The following ANK2 variants were observed in gnomAD, a reference collection of about 807,000 sequenced individuals.
ANK2 encodes ankyrin 2, also known as ankyrin-2.
ANK2 carries 83 observed loss-of-function variants against 360.5 expected under a neutral mutation model. That is an observed-to-expected ratio of 0.23 (90% CI 0.19 to 0.28). The LOEUF (loss-of-function observed/expected upper bound fraction) is 0.28. Ranked by LOEUF, ANK2 falls within the 10% of genes least tolerant of loss-of-function variation. The pLI is 1.00. For synonymous variants in ANK2, 1,740 were observed against 1,759.5 expected (o/e 0.99, Z 0.28); for missense variants, 4,201 against 4,795.7 (o/e 0.88, Z 3.66).
At chr4:113,116,625 G>A (rs1176993687) in intron 1 of ANK2, among the ~76,000 whole-genome samples, 1 of 152,228 alleles carries the variant, frequency 6.6e-6, no homozygotes, top group Non-Finnish European at 1.5e-5. Context: ...AGGGCTGTGA[G>A]ATGAAAAAGG....
At chr4:113,079,822 T>C (rs1182958107) in intron 1 of ANK2, among the ~76,000 whole-genome samples, 1 of 152,084 alleles carries the variant, frequency 6.6e-6, no homozygotes, top group Non-Finnish European at 1.5e-5. Context: ...AAAATAATGA[T>C]ACCTAATTAA....
the ANK2 span, among the ~76,000 whole-genome samples, chr4:112,757,612 T>G: frequency 6.6e-6 from 1 of 152,224 alleles, no homozygotes; most frequent in African/African-American, 2.4e-5. Context: ...AGAATTAAAG[T>G]AGTTAACTTT....
At chr4:112,866,470 A>G (rs1444626427) in intron 1 of ANK2, among the ~76,000 whole-genome samples, 1 of 152,208 alleles carries the variant, frequency 6.6e-6, no homozygotes, top group Non-Finnish European at 1.5e-5. Flanking sequence ...TACCTTAAAC[A>G]TAGTTATATT....
chr4:112,884,655 C>T (rs879721416), intron 1 of ANK2, among the ~76,000 whole-genome samples: 81 of 152,290 alleles, frequency 5.3e-4, no homozygotes, highest in African/African-American at 1.5e-3. Flanking sequence ...GCCTTTCTCA[C>T]GACCCTATAA....
At chr4:112,717,631 T>C in the ANK2 span, among the ~76,000 whole-genome samples, 1 of 152,190 alleles carries the variant, frequency 6.6e-6, no homozygotes, top group Admixed American at 6.6e-5. Flanking sequence ...AAAATGTTTA[T>C]TTTATGAATT....
chr4:113,380,406 A>G (rs1262878908), intron 45 of ANK2, among the ~76,000 whole-genome samples: 1 of 152,326 alleles, frequency 6.6e-6, no homozygotes, highest in East Asian at 1.9e-4. Context: ...CACACCTGTA[A>G]TCCCAACACT....
At chr4:112,739,545 C>T in the ANK2 span, among the ~76,000 whole-genome samples, 8 of 152,124 alleles carry the variant, frequency 5.3e-5, no homozygotes, top group South Asian at 4.1e-4. Flanking sequence ...ACCGGGGAGG[C>T]GGAGGTTGCA....
the ANK2 span, among the ~76,000 whole-genome samples, chr4:112,781,761 G>A: frequency 2.7e-5 from 4 of 150,648 alleles, no homozygotes; most frequent in Non-Finnish European, 4.4e-5. Flanking sequence ...CACAAGCAAC[G>A]AATTTTAACA....
At chr4:112,723,545 G>A in the ANK2 span, among the ~76,000 whole-genome samples, 2 of 152,120 alleles carry the variant, frequency 1.3e-5, no homozygotes, top group Admixed American at 1.3e-4. Flanking sequence ...TGTATTTTTA[G>A]TAGAGATGGG....
intron 1 of ANK2, among the ~76,000 whole-genome samples, chr4:112,834,466 T>C (rs929343227): frequency 5.3e-5 from 8 of 152,232 alleles, no homozygotes; most frequent in African/African-American, 1.7e-4. Flanking sequence ...CTCTTGTATA[T>C]GTTAGAAAAT....
In ANK2 at chr4:113,240,647, G is replaced by C. The variant is rs2039279631; in HGVS notation, c.792+64G>C. 1.1e-5 allele frequency: 15 copies of C among 1,401,842 alleles called. No homozygotes were observed. In the South Asian group the frequency reaches 1.7e-4, roughly 16 times the overall value. The allele number at this position is 1,401,842 out of a possible 1,614,324, so 86.8% of individuals were successfully genotyped here. On this transcript the variant is annotated intron_variant, in intron 8 of 45. Coordinates refer to ENST00000357077, the MANE Select transcript of ANK2 (RefSeq NM_001148.6). ...AATGAATATTTTAATAAAGTAAAAA[G>C]GAACACCAATGGCTTTCTTAAAGAT...
the ANK2 span, among the ~76,000 whole-genome samples, chr4:112,793,819 C>A: frequency 4.4e-4 from 67 of 151,664 alleles, 1 homozygote; most frequent in African/African-American, 1.5e-3. Flanking sequence ...GATTCTCCCA[C>A]CTCAACCTCC....
chr4:113,151,215 T>C (rs2097067470), intron 1 of ANK2: 4 of 1,065,764 alleles, frequency 3.8e-6, no homozygotes, highest in Non-Finnish European at 5.0e-6. Flanking sequence ...AAAAGGAATG[T>C]ACCCTTACTG....
chr4:113,313,856 T>C (rs1291298514), intron 24 of ANK2, among the ~76,000 whole-genome samples: 1 of 152,190 alleles, frequency 6.6e-6, no homozygotes, highest in Non-Finnish European at 1.5e-5. Context: ...GGATTTATTC[T>C]AAAATAAATA....
chr4:113,261,099 G>A (rs1439888830), intron 13 of ANK2, among the ~76,000 whole-genome samples: 1 of 152,138 alleles, frequency 6.6e-6, no homozygotes, highest in Non-Finnish European at 1.5e-5. Flanking sequence ...TTGGACATGA[G>A]CATACCCATT....
At chr4:113,280,908 G>A (rs1011145325) in intron 17 of ANK2, among the ~76,000 whole-genome samples, 2 of 152,190 alleles carry the variant, frequency 1.3e-5, no homozygotes, top group Non-Finnish European at 2.9e-5. Context: ...GCAAAAAGAA[G>A]TTGACTAAAC....
chr4:113,118,284 T>G (rs313934), intron 1 of ANK2, among the ~76,000 whole-genome samples: 5 of 152,218 alleles, frequency 3.3e-5, no homozygotes, highest in Non-Finnish European at 7.3e-5. Context: ...GATAAATGGC[T>G]TATTACATTA....
chr4:112,776,128 G>A, the ANK2 span, among the ~76,000 whole-genome samples: 13 of 152,178 alleles, frequency 8.5e-5, no homozygotes, highest in Middle Eastern at 0.014. Flanking sequence ...TGAAGGAAGA[G>A]GAAGTAGTGA....
chr4:113,252,553 CAGTT>C (rs1226719954), intron 10 of ANK2, among the ~76,000 whole-genome samples: 2 of 152,144 alleles, frequency 1.3e-5, no homozygotes, highest in African/African-American at 2.4e-5. Context: ...GTTGGCCTCT[CAGTT>C]AGGTAACTCT....
Sources: gnomAD v4.1 joint callset for allele counts (sites outside exome capture counted in the v4.1 genomes callset) on GRCh38, gnomAD v4.1.1 for gene constraint, MANE v1.5 for transcripts, NCBI Gene and HGNC (gene_info 2026-07-23, HGNC 2026-07-21) for gene names.